The following BTRC variants were observed in gnomAD, a reference collection of about 807,000 sequenced individuals.
BTRC encodes the protein beta-transducin repeat containing E3 ubiquitin protein ligase, also known as F-box/WD repeat-containing protein 1A.
A neutral mutation model predicts 85.5 loss-of-function variants in BTRC; 42 were observed. That is an observed-to-expected ratio of 0.49 (90% CI 0.38 to 0.64). BTRC has a LOEUF of 0.64. Ranked by LOEUF, BTRC falls within the 30% of genes least tolerant of loss-of-function variation. The pLI is 0.00. For synonymous variants in BTRC, 255 were observed against 263.3 expected (o/e 0.97, Z 0.30); for missense variants, 594 against 743.5 (o/e 0.80, Z 2.34).
At position 101,457,099 on chromosome 10, in the gene BTRC, TAAG is replaced by T. The variant is rs1482969071; in HGVS notation, c.157-4879_157-4877del. 4.6e-5 allele frequency among the ~76,000 whole-genome samples: 7 copies of T among 152,254 alleles called. No homozygotes were observed. In the East Asian group the frequency reaches 1.3e-3, roughly 29 times the overall value. Reference sequence around the variant, plus strand: ...AGTCATAGTAAGAGATTAACAACAATAAGAATAAAATAGAACAGTTATAACTAT... The same window carrying T: ...AGTCATAGTAAGAGATTAACAACAATAATAAAATAGAACAGTTATAACTAT... On this transcript the variant is annotated intron_variant, in intron 2 of 14. Coordinates refer to ENST00000370187, the MANE Select transcript of BTRC (RefSeq NM_033637.4).
intron 4 of BTRC, among the ~76,000 whole-genome samples, chr10:101,494,708 A>G (rs1946217791): frequency 6.6e-6 from 1 of 152,208 alleles, no homozygotes; most frequent in Non-Finnish European, 1.5e-5. Context: ...GAAAGATTTG[A>G]AATCCAACCA....
Position 101,538,389 on chromosome 10 carries a change from T to G in BTRC, c.1656+18T>G. On this transcript the variant is annotated intron_variant, in intron 13 of 14. Coordinates refer to ENST00000370187, the MANE Select transcript of BTRC (RefSeq NM_033637.4). The stretch of plus-strand genomic sequence containing the variant: ...CCCTTGTGGTAAGAGCCTTGCTGTT[T>G]AGAGAGCATTGGAGAGCAGGTGGGG... The G allele has an allele frequency of 2.5e-6, 4 of 1,598,420 alleles. No homozygotes were observed. The highest frequency in any genetic ancestry group is 2.6e-6 in the Non-Finnish European group (3 of 1,165,724).
Position 101,550,783 on chromosome 10 carries a change from G to A in BTRC, c.1741G>A (p.Asp581Asn). The A allele has an allele frequency of 2.5e-6, 4 of 1,613,918 alleles. No homozygotes were observed. Among genetic ancestry groups the A allele is most frequent in the South Asian group, 1.1e-5 (1 of 91,052 alleles). Residue 581 changes from aspartate to asparagine, a missense_variant, in exon 14 of 15, where the codon GAC becomes AAC. This residue lies in a region of BTRC where 56 missense variants were observed against 39.6 expected (regional missense o/e 1.41). Coordinates refer to ENST00000370187, the MANE Select transcript of BTRC (RefSeq NM_033637.4). ...SSHDDTILIW[D>N]FLNDPAAQAE... ...ACATGATGACACAATCCTCATCTGG[G>A]ACTTCCTAAATGATCCAGCTGCCCA...
At chr10:101,430,125 G>A (rs998394115) in intron 1 of BTRC, among the ~76,000 whole-genome samples, 11 of 152,144 alleles carry the variant, frequency 7.2e-5, no homozygotes, top group South Asian at 6.2e-4. Flanking sequence ...TTTTTTGAAC[G>A]ATAACTTCTT....
chr10:101,374,050 T>C (rs1043781460), intron 1 of BTRC, among the ~76,000 whole-genome samples: 14 of 152,164 alleles, frequency 9.2e-5, no homozygotes, highest in Non-Finnish European at 1.6e-4. Context: ...TTTTGTATAT[T>C]TAAAAGTATC....
chr10:101,465,556 CAT>C (rs1373154982), intron 3 of BTRC, among the ~76,000 whole-genome samples: 2 of 152,130 alleles, frequency 1.3e-5, no homozygotes, highest in Admixed American at 6.5e-5. Flanking sequence ...TCAGAAGGGA[CAT>C]GTGGTTTTAC....
At chr10:101,441,774 G>T (rs926279365) in intron 2 of BTRC, among the ~76,000 whole-genome samples, 3 of 151,546 alleles carry the variant, frequency 2.0e-5, no homozygotes, top group Non-Finnish European at 4.4e-5. Context: ...CCAGCTGCTT[G>T]GGAGGCTAAG....
intron 1 of BTRC, among the ~76,000 whole-genome samples, chr10:101,363,710 T>C (rs967886116): frequency 6.6e-6 from 1 of 152,142 alleles, no homozygotes; most frequent in Non-Finnish European, 1.5e-5. Context: ...AAGAGCTCTT[T>C]AGCAGCTTTG....
chr10:101,530,936 G>A (rs1328523411), intron 6 of BTRC, among the ~76,000 whole-genome samples: 1 of 152,220 alleles, frequency 6.6e-6, no homozygotes, highest in African/African-American at 2.4e-5. Context: ...CACTTTGGGA[G>A]GCCAAGCAGG....
chr10:101,555,551 G>T lies in BTRC; in HGVS notation c.*2428G>T, dbSNP rs1589641809. The T allele has an allele frequency of 6.6e-6, 1 of 152,614 alleles. No homozygotes were observed. Among genetic ancestry groups the T allele is most frequent in the East Asian group, 1.9e-4 (1 of 5,186 alleles). 9.5% of individuals were successfully genotyped at this position (152,614 alleles called of 1,614,324 possible). A position where few individuals can be genotyped will look rare whatever the true frequency, so the allele number is the denominator to read the frequency against. ...GAATCGTTCACATTTCTCAGCTCTG[G>T]GGGTCATTTACCAGTTTGTTGTAGA... On this transcript the variant is annotated 3_prime_UTR_variant, in exon 15 of 15. Transcript: ENST00000370187.
intron 1 of BTRC, 198 bp downstream of exon 1, chr10:101,354,426 G>C (rs2134449950): frequency 1.7e-6 from 1 of 597,744 alleles, no homozygotes; most frequent in East Asian, 3.4e-5. Flanking sequence ...GGGGGCAGCG[G>C]CTCCGCCATC....
At chr10:101,458,078 G>A (rs1589494481) in intron 2 of BTRC, among the ~76,000 whole-genome samples, 1 of 151,942 alleles carries the variant, frequency 6.6e-6, no homozygotes, top group Non-Finnish European at 1.5e-5. Context: ...GAAAAACAAA[G>A]ACATTTTAAT....
intron 2 of BTRC, among the ~76,000 whole-genome samples, chr10:101,444,779 G>C (rs1019113791): frequency 6.6e-6 from 1 of 152,184 alleles, no homozygotes; most frequent in Non-Finnish European, 1.5e-5. Context: ...AAAATCTGAA[G>C]GAGATAAATT....
chr10:101,383,520 T>G (rs1942991801), intron 1 of BTRC, among the ~76,000 whole-genome samples: 1 of 152,168 alleles, frequency 6.6e-6, no homozygotes. Flanking sequence ...TTCTTTTCTT[T>G]CTTCCTTTCT....
In BTRC at chr10:101,534,655, T is replaced by G; in HGVS notation, c.1098-6T>G. On this transcript the variant is annotated splice_polypyrimidine_tract_variant and splice_region_variant and intron_variant, in intron 9 of 14. Coordinates refer to ENST00000370187, the MANE Select transcript of BTRC (RefSeq NM_033637.4). Reference sequence around the variant, plus strand: ...GTACCATCTAAATCTCATCTATCACTTCCAGAGTGTGGGATGTAAATACAG... The same window carrying G: ...GTACCATCTAAATCTCATCTATCACGTCCAGAGTGTGGGATGTAAATACAG... The G allele has an allele frequency of 1.9e-6, 3 of 1,614,128 alleles. No individual in the cohort carries two copies. Among genetic ancestry groups the G allele is most frequent in the Non-Finnish European group, 2.5e-6 (3 of 1,180,000 alleles).
intron 2 of BTRC, among the ~76,000 whole-genome samples, chr10:101,455,592 G>A (rs1945055402): frequency 6.6e-6 from 1 of 152,132 alleles, no homozygotes; most frequent in Non-Finnish European, 1.5e-5. Context: ...CTTGAATCAG[G>A]ATTTTTAGTA....
chr10:101,479,519 C>A, intron 4 of BTRC, 62 bp downstream of exon 4: 4 of 1,293,948 alleles, frequency 3.1e-6, no homozygotes, highest in South Asian at 2.5e-5. Flanking sequence ...TATCTGTAGG[C>A]ATCTTTACTC....
In BTRC at chr10:101,366,792, T is replaced by TATATATATTTATATATATTAATA. The variant is rs1364182611; in HGVS notation, c.48+12564_48+12565insATATATATTTATATATATTAATA. 5.4e-4 allele frequency among the ~76,000 whole-genome samples: 48 copies of TATATATATTTATATATATTAATA among 88,096 alleles called. 3 individuals carry two copies. Among genetic ancestry groups the TATATATATTTATATATATTAATA allele is most frequent in the African/African-American group, 1.6e-3 (38 of 23,850 alleles). The allele number at this position is 88,096 out of a possible 152,430, so 57.8% of individuals were successfully genotyped here. A position where few individuals can be genotyped will look rare whatever the true frequency, so the allele number is the denominator to read the frequency against. ...TATATATATATATATATATATATTTTTACATTTATATATATATTTATATAT... is the reference window on the plus strand; with the variant it reads ...TATATATATATATATATATATATTTTATATATATTTATATATATTAATATACATTTATATATATATTTATATAT... On this transcript the variant is annotated intron_variant, in intron 1 of 14. Transcript: ENST00000370187.
intron 1 of BTRC, among the ~76,000 whole-genome samples, chr10:101,367,849 G>A (rs1450720347): frequency 6.6e-6 from 1 of 152,052 alleles, no homozygotes; most frequent in Non-Finnish European, 1.5e-5. Flanking sequence ...TATTTTTGAT[G>A]GACACTTGGG....
Sources: allele counts gnomAD v4.1 joint callset (sites outside exome capture counted in the v4.1 genomes callset), GRCh38; gene constraint gnomAD v4.1.1; regional missense constraint gnomAD v4.1.1; transcripts MANE v1.5; gene names NCBI Gene and HGNC (gene_info 2026-07-23, HGNC 2026-07-21).